AP2A1: variants seen among roughly 807,000 people sequenced by gnomAD.
AP2A1 encodes adaptor related protein complex 2 subunit alpha 1, also known as AP-2 complex subunit alpha-1.
A neutral mutation model predicts 107.3 loss-of-function variants in AP2A1; 21 were observed. The ratio of observed to expected loss-of-function variants is 0.20; its 90% CI spans 0.14 to 0.28. The LOEUF is 0.28. AP2A1 is among the 10% of genes least tolerant of loss of function. The probability of loss-of-function intolerance (pLI) is 1.00; values close to 1 mark genes in which losing one functional copy is unlikely to be tolerated. For missense variants in AP2A1, 873 were observed against 1,307.7 expected, an observed-to-expected ratio of 0.67 and a Z score of 5.13; for synonymous variants, 602 against 564.8, an observed-to-expected ratio of 1.07 and a Z score of -0.93.
Position 49,781,963 on chromosome 19 carries a change from T to C in AP2A1, c.153T>C (p.Asp51=), listed in dbSNP as rs1395397391. 2 of 1,612,986 alleles carry C rather than the reference T, an allele frequency of 1.2e-6. No individual in the cohort carries two copies. The highest frequency in any genetic ancestry group is 2.2e-5 in the South Asian group (2 of 90,908). Reference sequence around the variant, plus strand: ...CTGCCCTAGGAGACAAAGCCTTGGATGGCTACAGTAAGAAAAAATATGTGT... The same window carrying C: ...CTGCCCTAGGAGACAAAGCCTTGGACGGCTACAGTAAGAAAAAATATGTGT... ...RSKFKGDKAL[D]GYSKKKYVCK... is the part of the protein sequence containing the mutation. The change falls in exon 3 of 23, where the codon GAT becomes GAC. Residue 51 remains aspartate, a synonymous_variant. Coordinates refer to ENST00000354293, the MANE Select transcript of AP2A1 (RefSeq NM_130787.3).
Position 49,801,348 on chromosome 19 carries a change from G to A in AP2A1, c.1554-42G>A, listed in dbSNP as rs769696922. On this transcript the variant is annotated intron_variant, in intron 12 of 22. Transcript: ENST00000354293. ...CTCTCGAGGGGGTTTCTGGGAGAGG[G>A]CAGTGGAACCTGGCCCCGCTGACAC... 1.9e-6 allele frequency: 3 copies of A among 1,568,756 alleles called. No individual in the cohort carries two copies. The Admixed American group carries it at 5.0e-5, about 26-fold the overall frequency.
chr19:49,784,287 T>G (rs1351856147), intron 4 of AP2A1, among the ~76,000 whole-genome samples: 1 of 152,040 alleles, frequency 6.6e-6, no homozygotes, highest in African/African-American at 2.4e-5. Flanking sequence ...ATTAGCCAGG[T>G]GTGGTGGCAC....
rs1169821822 is a variant in AP2A1, at chr19:49,781,934, TC to T, written c.137-11del. On this transcript the variant is annotated splice_polypyrimidine_tract_variant and intron_variant, in intron 2 of 22. Coordinates refer to ENST00000354293, the MANE Select transcript of AP2A1 (RefSeq NM_130787.3). The stretch of plus-strand genomic sequence containing the variant: ...TTATTTCTGGCTCCCCTTTCCTCCT[TC>T]CTCTGCCCTAGGAGACAAAGCCTTG... 6.2e-7 allele frequency: 1 copy of T among 1,611,708 alleles called. No individual in the cohort carries two copies. The highest frequency in any genetic ancestry group is 2.2e-5 in the East Asian group (1 of 44,750).
intron 1 of AP2A1, among the ~76,000 whole-genome samples, chr19:49,776,548 C>T (rs949070059): frequency 2.6e-5 from 4 of 152,222 alleles, no homozygotes; most frequent in South Asian, 4.1e-4. Flanking sequence ...AGCCTGGCCC[C>T]AGAAATCCCA....
At chr19:49,802,578 C>G (rs376399764) in intron 15 of AP2A1, 1 of 1,603,208 alleles carries the variant, frequency 6.2e-7, no homozygotes, top group Non-Finnish European at 8.5e-7. Context: ...GCTTTGCTGG[C>G]TGACCCAGCT....
At chr19:49,784,882 A>C (rs577795707) in intron 4 of AP2A1, among the ~76,000 whole-genome samples, 126 of 152,294 alleles carry the variant, frequency 8.3e-4, no homozygotes, top group African/African-American at 3.0e-3. Context: ...AACAAACAAA[A>C]AAAACCAAAA....
At chr19:49,805,332 T>C (rs2073350916) in intron 18 of AP2A1, 121 bp from the exon 19 acceptor site, 1 of 1,191,986 alleles carries the variant, frequency 8.4e-7, no homozygotes, top group Admixed American at 2.9e-5. Flanking sequence ...GAGTCCAGGA[T>C]TGCACCATGG....
At chr19:49,775,090 T>C (rs1220882569) in intron 1 of AP2A1, among the ~76,000 whole-genome samples, 1 of 151,576 alleles carries the variant, frequency 6.6e-6, no homozygotes, top group African/African-American at 2.4e-5. Flanking sequence ...TAGCCACGCA[T>C]GGTGGCATGC....
At chr19:49,784,878 CA>C (rs996933275) in intron 4 of AP2A1, among the ~76,000 whole-genome samples, 1 of 151,380 alleles carries the variant, frequency 6.6e-6, no homozygotes, top group African/African-American at 2.4e-5. Context: ...AACAAACAAA[CA>C]AAAAAAACCA....
At chr19:49,800,906 TC>T in intron 11 of AP2A1, 54 bp from the exon 12 acceptor site, 1 of 1,474,996 alleles carries the variant, frequency 6.8e-7, no homozygotes, top group Non-Finnish European at 9.2e-7. Flanking sequence ...CACCCACCGA[TC>T]CCGGAGAGGG....
intron 4 of AP2A1, among the ~76,000 whole-genome samples, chr19:49,791,360 G>A (rs1473511837): frequency 2.0e-5 from 3 of 152,118 alleles, no homozygotes; most frequent in Non-Finnish European, 2.9e-5. Context: ...CTCCCGAGTA[G>A]CTGGGATTAC....
In AP2A1 at chr19:49,793,403, C is replaced by T. The variant is rs74844648; in HGVS notation, c.705+311C>T. ...CGGGCCGAGCACCCCGGGAGCCAGC[C>T]GCCCTCATGACCTCCTCCCTCTCCC... is the stretch of plus-strand genomic sequence containing the variant. On this transcript the variant is annotated intron_variant, in intron 6 of 22. Coordinates refer to ENST00000354293, the MANE Select transcript of AP2A1 (RefSeq NM_130787.3). Among the ~76,000 whole-genome samples the T allele has an allele frequency of 6.3e-3, 964 of 152,288 alleles. 15 individuals are homozygous for T. Among genetic ancestry groups the T allele is most frequent in the East Asian group, 0.057 (298 of 5,190 alleles).
intron 1 of AP2A1, among the ~76,000 whole-genome samples, chr19:49,770,981 A>T (rs1368573507): frequency 1.3e-5 from 2 of 152,074 alleles, no homozygotes; most frequent in Non-Finnish European, 2.9e-5. Flanking sequence ...CTTCCTGAGT[A>T]GCTGGGATTA....
intron 7 of AP2A1, 80 bp downstream of exon 7, chr19:49,795,818 G>A (rs1437087441): frequency 9.1e-7 from 1 of 1,103,752 alleles, no homozygotes; most frequent in East Asian, 2.6e-5. Context: ...GGCGCACCAG[G>A]TGGGACTGGA....
Position 49,805,738 on chromosome 19 carries a change from C to A in AP2A1, c.2546C>A (p.Ala849Glu). ...INKFFQPTEM[A>E]AQDFFQRWKQ... ...AAGTTCTTCCAGCCCACCGAGATGG[C>A]GGCCCAGGATTTCTTCCAGCGCTGG... Residue 849 changes from alanine (A) to glutamate (E), a missense_variant, in exon 20 of 23, where the codon GCG (alanine) becomes GAG (glutamate). By Grantham distance (107) the Ala-to-Glu change is moderately radical. Transcript: ENST00000354293. 1 of 1,572,642 alleles carries A rather than the reference C, an allele frequency of 6.4e-7. No individual in the cohort carries two copies. The highest frequency in any genetic ancestry group is 8.6e-7 in the Non-Finnish European group (1 of 1,160,462).
chr19:49,805,383 T>C (rs2073353060), intron 18 of AP2A1, 70 bp from the exon 19 acceptor site: 1 of 1,456,852 alleles, frequency 6.9e-7, no homozygotes, highest in Non-Finnish European at 9.1e-7. Context: ...CCGGGAGCTC[T>C]GGGGTTCCTG....
chr19:49,780,915 G>A (rs1055860930), intron 1 of AP2A1, among the ~76,000 whole-genome samples: 1 of 151,978 alleles, frequency 6.6e-6, no homozygotes, highest in Non-Finnish European at 1.5e-5. Flanking sequence ...ATTGGCGTGA[G>A]GATGTCCAGG....
At chr19:49,795,274 C>A (rs2073198032) in intron 6 of AP2A1, among the ~76,000 whole-genome samples, 1 of 152,198 alleles carries the variant, frequency 6.6e-6, no homozygotes, top group Non-Finnish European at 1.5e-5. Flanking sequence ...AAAGATCAAC[C>A]AGCCGGGCTT....
At position 49,803,328 on chromosome 19, in the gene AP2A1, T is replaced by C. The variant is rs765469236; in HGVS notation, c.2296T>C (p.Phe766Leu). Residue 766 changes from phenylalanine to leucine, a missense_variant, in exon 18 of 23, where the codon TTC (phenylalanine) becomes CTC (leucine). By Grantham distance (22) the Phe-to-Leu change is conservative. Coordinates refer to ENST00000354293, the MANE Select transcript of AP2A1 (RefSeq NM_130787.3). ...LFYGNKTSVQ[F>L]QNFSPTVVHP... Reference sequence around the variant, plus strand: ...CTATGGCAACAAGACCTCGGTGCAGTTCCAGAATTTCTCACCCACTGTGGT... The same window carrying C: ...CTATGGCAACAAGACCTCGGTGCAGCTCCAGAATTTCTCACCCACTGTGGT... 1 of 1,613,820 alleles carries C rather than the reference T, an allele frequency of 6.2e-7. No homozygotes were observed. The highest frequency in any genetic ancestry group is 1.7e-5 in the Admixed American group (1 of 60,002).
Sources: gnomAD v4.1 joint callset for allele counts (sites outside exome capture counted in the v4.1 genomes callset) on GRCh38, gnomAD v4.1.1 for gene constraint, MANE v1.5 for transcripts, NCBI Gene and HGNC (gene_info 2026-07-23, HGNC 2026-07-21) for gene names.